UBE2W: variants seen among roughly 807,000 people sequenced by gnomAD.
UBE2W encodes ubiquitin-conjugating enzyme E2 W.
In UBE2W, 18 loss-of-function variants were observed where a neutral mutation model predicts 27.2. The ratio of observed to expected loss-of-function variants is 0.66; its 90% CI spans 0.46 to 0.98. The LOEUF is 0.98. UBE2W is among the 50% of genes least tolerant of loss of function. The pLI is 0.00. For synonymous variants in UBE2W, 53 were observed against 57.2 expected (o/e 0.93, Z 0.33); for missense variants, 90 against 180.2 (o/e 0.50, Z 2.87).
At chr8:73,832,136 A>ATATATATATAT (rs1563601304) in intron 1 of UBE2W, among the ~76,000 whole-genome samples, 1 of 145,348 alleles carries the variant, frequency 6.9e-6, no homozygotes, top group African/African-American at 2.6e-5. Context: ...AAAATAAATA[A>ATATATATATAT]ATATATATAT....
At position 73,788,577 on chromosome 8, in the gene UBE2W, C is replaced by A; in HGVS notation, c.*5525G>T. 1.0e-6 allele frequency: 1 copy of A among 985,410 alleles called. No homozygotes were observed. The highest frequency in any genetic ancestry group is 1.2e-6 in the Non-Finnish European group (1 of 829,922). 61.0% of individuals were successfully genotyped at this position (985,410 alleles called of 1,614,324 possible). ...TTTTCATGGTATCTGACACAATTTA[C>A]CAAGTTCCTTATGGTAGATTTCAGG... is the stretch of plus-strand genomic sequence containing the variant. On this transcript the variant is annotated 3_prime_UTR_variant, in exon 6 of 6. Transcript: ENST00000602593.
At chr8:73,799,720 C>T (rs1252251897) in intron 5 of UBE2W, among the ~76,000 whole-genome samples, 1 of 152,194 alleles carries the variant, frequency 6.6e-6, no homozygotes, top group Non-Finnish European at 1.5e-5. Context: ...CACACAATTC[C>T]ACTTAGTTTC....
intron 2 of UBE2W, among the ~76,000 whole-genome samples, chr8:73,827,191 A>ATC (rs2130903170): frequency 6.6e-6 from 1 of 152,266 alleles, no homozygotes; most frequent in South Asian, 2.1e-4. Context: ...CAAAGGCAGC[A>ATC]TAACTTTCAA....
chr8:73,865,757 T>C (rs748119289), intron 1 of UBE2W, among the ~76,000 whole-genome samples: 1 of 152,222 alleles, frequency 6.6e-6, no homozygotes, highest in African/African-American at 2.4e-5. Context: ...AATATATATA[T>C]GTTCCTTTCA....
At chr8:73,839,220 T>C (rs1810429127) in intron 1 of UBE2W, among the ~76,000 whole-genome samples, 1 of 152,016 alleles carries the variant, frequency 6.6e-6, no homozygotes, top group Non-Finnish European at 1.5e-5. Context: ...ACATCAGTAC[T>C]GAAAAAGCAC....
At position 73,793,466 on chromosome 8, in the gene UBE2W, T is replaced by C. The variant is rs1280651416; in HGVS notation, c.*636A>G. ...GCCAATGTTACTTGAAAATCTTCCA[T>C]GTCAAAACAACTTGACAGTAGATAT... On this transcript the variant is annotated 3_prime_UTR_variant, in exon 6 of 6. Transcript: ENST00000602593. 16 of 985,752 alleles carry C rather than the reference T, an allele frequency of 1.6e-5. No individual in the cohort carries two copies. Among genetic ancestry groups the C allele is most frequent in the African/African-American group, 1.7e-5 (1 of 57,254 alleles). 61.1% of individuals were successfully genotyped at this position (985,752 alleles called of 1,614,324 possible).
At chr8:73,786,053 C>T (rs1807944578), downstream of UBE2W, among the ~76,000 whole-genome samples, 1 of 152,174 alleles carries the variant, frequency 6.6e-6, no homozygotes, top group Admixed American at 6.5e-5. Context: ...ATGAAAGGCA[C>T]ACAATAATTA....
At chr8:73,867,434 C>T (rs1013331932) in intron 1 of UBE2W, among the ~76,000 whole-genome samples, 2 of 152,094 alleles carry the variant, frequency 1.3e-5, no homozygotes, top group Non-Finnish European at 2.9e-5. Flanking sequence ...ACTCGGGAGG[C>T]TGAAGCAGGA....
chr8:73,799,984 T>G (rs1484093412), intron 5 of UBE2W, among the ~76,000 whole-genome samples: 1 of 152,192 alleles, frequency 6.6e-6, no homozygotes, highest in African/African-American at 2.4e-5. Context: ...AAAGTTCTAA[T>G]AAGAAAATTA....
At chr8:73,818,778 C>T (rs377753814) in intron 3 of UBE2W, among the ~76,000 whole-genome samples, 12 of 152,146 alleles carry the variant, frequency 7.9e-5, no homozygotes, top group African/African-American at 2.7e-4. Context: ...TGTGGCACCT[C>T]GCCACTGACT....
intron 1 of UBE2W, among the ~76,000 whole-genome samples, chr8:73,864,567 A>G (rs2383921): frequency 0.98 from 148,436 of 152,118 alleles, 72,431 homozygotes; most frequent in African/African-American, 0.99. Context: ...ACTTGTTTGC[A>G]TTTGTCTAAA....
intron 1 of UBE2W, among the ~76,000 whole-genome samples, chr8:73,850,714 C>A (rs1811036078): frequency 9.8e-6 from 1 of 101,574 alleles, no homozygotes; most frequent in Admixed American, 1.4e-4. Flanking sequence ...GAGGTACAAT[C>A]AGCAGGACAT....
At chr8:73,785,966 T>C (rs1807942527), downstream of UBE2W, among the ~76,000 whole-genome samples, 1 of 152,394 alleles carries the variant, frequency 6.6e-6, no homozygotes, top group South Asian at 2.1e-4. Flanking sequence ...TTATATGATA[T>C]GCTTTTCTAT....
chr8:73,805,541 T>A (rs1808866084), intron 5 of UBE2W, 110 bp downstream of exon 5: 1 of 402,648 alleles, frequency 2.5e-6, no homozygotes, highest in Non-Finnish European at 4.1e-6. Context: ...TCATATAACA[T>A]AAATATAACA....
intron 1 of UBE2W, among the ~76,000 whole-genome samples, chr8:73,860,730 G>A (rs182143579): frequency 6.6e-6 from 1 of 152,228 alleles, no homozygotes; most frequent in Non-Finnish European, 1.5e-5. Context: ...TTCAAAGAGT[G>A]GAGGGGCTAA....
chr8:73,812,053 G>A (rs989311982), intron 3 of UBE2W, among the ~76,000 whole-genome samples: 2 of 151,834 alleles, frequency 1.3e-5, no homozygotes, highest in African/African-American at 4.8e-5. Flanking sequence ...TATGAGTAGA[G>A]TCTTCTAATA....
chr8:73,878,834 C>G lies in UBE2W; in HGVS notation c.-12G>C, dbSNP rs1432180290. 2 of 1,549,260 alleles carry G rather than the reference C, an allele frequency of 1.3e-6. No homozygotes were observed. Among genetic ancestry groups the G allele is most frequent in the Non-Finnish European group, 1.7e-6 (2 of 1,145,714 alleles). ...TGCATTGACGCCATGATGGAACCAT[C>G]CCCCCAAGACCGGCGAGGCCAGAGA... On this transcript the variant is annotated 5_prime_UTR_variant, in exon 1 of 6. Coordinates refer to ENST00000602593, the MANE Select transcript of UBE2W (RefSeq NM_018299.6).
At chr8:73,865,821 A>T (rs969720001) in intron 1 of UBE2W, among the ~76,000 whole-genome samples, 1 of 152,134 alleles carries the variant, frequency 6.6e-6, no homozygotes, top group African/African-American at 2.4e-5. Context: ...TATCTTATGG[A>T]CTATCTCTAA....
At chr8:73,806,105 A>C (rs1320909801) in intron 4 of UBE2W, among the ~76,000 whole-genome samples, 1 of 152,092 alleles carries the variant, frequency 6.6e-6, no homozygotes, top group Non-Finnish European at 1.5e-5. Context: ...CAGTGAGCCA[A>C]GATTGTGACA....
Sources: gnomAD v4.1 joint callset for allele counts (sites outside exome capture counted in the v4.1 genomes callset) on GRCh38, gnomAD v4.1.1 for gene constraint, MANE v1.5 for transcripts, NCBI Gene and HGNC (gene_info 2026-07-23, HGNC 2026-07-21) for gene names.